Variants in SNX13 observed in about 807,000 individuals in gnomAD.
The protein encoded by SNX13 is sorting nexin 13.
SNX13 carries 45 observed loss-of-function variants against 133.6 expected under a neutral mutation model. The ratio of observed to expected loss-of-function variants is 0.34; its 90% CI spans 0.27 to 0.43. The LOEUF is 0.43. Ranked by LOEUF, SNX13 falls within the 20% of genes least tolerant of loss-of-function variation. The pLI is 1.00. For missense variants in SNX13, 1,032 were observed against 1,145.1 expected (o/e 0.90, Z 1.43); for synonymous variants, 414 against 373.9 (o/e 1.11, Z -1.24).
chr7:17,828,026 A>C (rs1788097387), intron 16 of SNX13, among the ~76,000 whole-genome samples: 1 of 151,802 alleles, frequency 6.6e-6, no homozygotes, highest in East Asian at 1.9e-4. Flanking sequence ...TAACATGCTA[A>C]ATGTACTTAT....
intron 24 of SNX13, among the ~76,000 whole-genome samples, chr7:17,797,573 C>T (rs1211800216): frequency 6.6e-6 from 1 of 151,848 alleles, no homozygotes; most frequent in Non-Finnish European, 1.5e-5. Context: ...CCCAGAGCAG[C>T]TGTTCTTAAC....
intron 2 of SNX13, among the ~76,000 whole-genome samples, chr7:17,895,391 T>G (rs1797093359): frequency 6.6e-6 from 1 of 152,174 alleles, no homozygotes; most frequent in Non-Finnish European, 1.5e-5. Context: ...GTGTTTTTCT[T>G]TCCAAAAGCA....
At chr7:17,862,541 G>T (rs1388449556) in intron 9 of SNX13, among the ~76,000 whole-genome samples, 7 of 151,972 alleles carry the variant, frequency 4.6e-5, no homozygotes, top group Non-Finnish European at 7.4e-5. Context: ...TAAAGAATGG[G>T]ATATTTATCT....
chr7:17,828,731 C>G (rs1788169221), intron 16 of SNX13, among the ~76,000 whole-genome samples: 1 of 151,424 alleles, frequency 6.6e-6, no homozygotes, highest in Non-Finnish European at 1.5e-5. Context: ...AGAGACTATT[C>G]TGGTTTATAT....
Position 17,793,806 on chromosome 7 carries a change from A to C in SNX13, c.*239T>G. ...CGCCATTCTTGCTTGAGATGGGGGC[A>C]GTTTTCTCTCAATGTTGCAAAATAT... On this transcript the variant is annotated 3_prime_UTR_variant, in exon 26 of 26. Transcript: ENST00000428135. The C allele has an allele frequency of 2.6e-6, 1 of 381,772 alleles. No homozygotes were observed. The highest frequency in any genetic ancestry group is 4.3e-5 in the Admixed American group (1 of 23,438). 23.6% of individuals were successfully genotyped at this position (381,772 alleles called of 1,614,324 possible).
rs771908159 is a variant in SNX13, at chr7:17,805,265, G to GCGCGCGCGCGCGCA, written c.2065-1686_2065-1685insTGCGCGCGCGCGCG. ...TGTGTGTGTGTGCGTGCGCGCGCGC[G>GCGCGCGCGCGCGCA]CATGCATGCACATGTGTAATTCTAA... On this transcript the variant is annotated intron_variant, in intron 20 of 25. Coordinates refer to ENST00000428135, the MANE Select transcript of SNX13 (RefSeq NM_015132.5). Among the ~76,000 whole-genome samples the GCGCGCGCGCGCGCA allele has an allele frequency of 7.5e-3, 1,096 of 146,002 alleles. 18 individuals are homozygous for GCGCGCGCGCGCGCA. Among genetic ancestry groups the GCGCGCGCGCGCGCA allele is most frequent in the South Asian group, 0.016 (75 of 4,586 alleles).
At chr7:17,811,170 AG>A (rs2128294988) in intron 20 of SNX13, among the ~76,000 whole-genome samples, 1 of 152,338 alleles carries the variant, frequency 6.6e-6, no homozygotes, top group South Asian at 2.1e-4. Context: ...GGCAAGAGAA[AG>A]AAAGAAAAGA....
In SNX13 at chr7:17,834,184, C is replaced by A. The variant is rs1371112195; in HGVS notation, c.1465G>T (p.Val489Leu). ...PEIFDDIQRKVYELMLRDERF... is the reference protein window; with the variant it reads ...PEIFDDIQRKLYELMLRDERF... ...TCATCTCGTAGCATCAATTCATATA[C>A]CTTGGTGAAATAAATCAAGATATTC... Residue 489 changes from valine to leucine, a missense_variant and splice_region_variant, in exon 15 of 26, where the codon GTA becomes TTA. Val to Leu is a conservative substitution (Grantham distance 32, BLOSUM62 1). Transcript: ENST00000428135. 2 of 1,559,440 alleles carry A rather than the reference C, an allele frequency of 1.3e-6. No homozygotes were observed. The highest frequency in any genetic ancestry group is 1.4e-5 in the African/African-American group (1 of 73,382).
intron 9 of SNX13, among the ~76,000 whole-genome samples, chr7:17,856,785 TA>T (rs200753998): frequency 0.31 from 30,083 of 97,356 alleles, 3,248 homozygotes; most frequent in East Asian, 0.46. Flanking sequence ...GAGACTCTCT[TA>T]AAAAAAAAAA....
rs1027141140 is a variant in SNX13 at position 17,793,340 on chromosome 7, C to G, written c.*705G>C. ...CAAAAGGAAACATAAAATTGAGTACCCTAAGAGCAAAACACAGCCCTTAAA... is the reference window on the plus strand; with the variant it reads ...CAAAAGGAAACATAAAATTGAGTACGCTAAGAGCAAAACACAGCCCTTAAA... On this transcript the variant is annotated 3_prime_UTR_variant, in exon 26 of 26. Transcript: ENST00000428135. 2.0e-5 allele frequency: 3 copies of G among 151,902 alleles called. No individual in the cohort carries two copies. The highest frequency in any genetic ancestry group is 3.0e-5 in the Non-Finnish European group (2 of 67,742). The allele number at this position is 151,902 out of a possible 1,614,324, so 9.4% of individuals were successfully genotyped here. A position where few individuals can be genotyped will look rare whatever the true frequency, so the allele number is the denominator to read the frequency against.
chr7:17,795,741 C>A (rs180711684), intron 25 of SNX13: 3 of 151,828 alleles, frequency 2.0e-5, no homozygotes, highest in Admixed American at 6.6e-5. Context: ...ATAAAGATTT[C>A]TTCCAGCTAG....
intron 9 of SNX13, among the ~76,000 whole-genome samples, chr7:17,858,893 A>C (rs1297828065): frequency 6.6e-6 from 1 of 152,164 alleles, no homozygotes; most frequent in Admixed American, 6.5e-5. Flanking sequence ...TGGTGCTAGA[A>C]TATCTAGATG....
At chr7:17,925,264 G>A (rs1049524791) in intron 1 of SNX13, among the ~76,000 whole-genome samples, 5 of 152,172 alleles carry the variant, frequency 3.3e-5, no homozygotes, top group African/African-American at 1.2e-4. Flanking sequence ...CCTGCTGTGT[G>A]AAGGAGAAAG....
Position 17,830,060 on chromosome 7 carries a change from A to G in SNX13, c.1598-13T>C. 6.6e-7 allele frequency: 1 copy of G among 1,525,106 alleles called. No homozygotes were observed. The highest frequency in any genetic ancestry group is 8.8e-7 in the Non-Finnish European group (1 of 1,130,272). 94.5% of individuals were successfully genotyped at this position (1,525,106 alleles called of 1,614,324 possible). On this transcript the variant is annotated splice_polypyrimidine_tract_variant and intron_variant, in intron 15 of 25. Transcript: ENST00000428135. ...CCATTAAAAGATTCTGCAGGGGGGA[A>G]ATTCAACTTAGTATACAGCAAAAAA... is the stretch of plus-strand genomic sequence containing the variant.
At position 17,940,334 on chromosome 7, in the gene SNX13, C is replaced by A; in HGVS notation, c.-39G>T. On this transcript the variant is annotated 5_prime_UTR_variant, in exon 1 of 26. Coordinates refer to ENST00000428135, the MANE Select transcript of SNX13 (RefSeq NM_015132.5). ...GGAAGTGAGGTCCTCCCTAGCCTCG[C>A]CTCATGGCAACAGCCGTAGCAGCAG... 1 of 1,560,810 alleles carries A rather than the reference C, an allele frequency of 6.4e-7. No individual in the cohort carries two copies. Among genetic ancestry groups the A allele is most frequent in the African/African-American group, 1.4e-5 (1 of 73,536 alleles).
At chr7:17,930,740 A>G (rs1801301110) in intron 1 of SNX13, among the ~76,000 whole-genome samples, 1 of 152,128 alleles carries the variant, frequency 6.6e-6, no homozygotes. Flanking sequence ...TCCATGGCCC[A>G]TTAGGAATCA....
intron 1 of SNX13, among the ~76,000 whole-genome samples, chr7:17,928,766 T>A (rs1272436773): frequency 6.6e-6 from 1 of 152,154 alleles, no homozygotes; most frequent in Non-Finnish European, 1.5e-5. Flanking sequence ...CAACTCAATA[T>A]CAGAACAATG....
At position 17,836,334 on chromosome 7, in the gene SNX13, T is replaced by C. The variant is rs79587350; in HGVS notation, c.1360-1469A>G. ...AAGTTCGAGAACAGCCTGGCCCACA[T>C]GGCAAAATCCCTGTCTCTTTAAAAA... is the stretch of plus-strand genomic sequence containing the variant. On this transcript the variant is annotated intron_variant, in intron 13 of 25. Coordinates refer to ENST00000428135, the MANE Select transcript of SNX13 (RefSeq NM_015132.5). Among the ~76,000 whole-genome samples the C allele has an allele frequency of 7.2e-3, 1,100 of 152,076 alleles. 18 individuals carry two copies. Among genetic ancestry groups the C allele is most frequent in the African/African-American group, 0.025 (1,045 of 41,532 alleles).
Position 17,845,605 on chromosome 7 carries a change from T to A in SNX13, c.1155A>T (p.Gln385His), listed in dbSNP as rs758684199. The change falls in exon 12 of 26, where the codon CAA becomes CAT. Residue 385 changes from glutamine (Q) to histidine (H), a missense_variant. Coordinates refer to ENST00000428135, the MANE Select transcript of SNX13 (RefSeq NM_015132.5). The part of the protein sequence containing the change: ...DSILVDNVAL[Q>H]FFMDYMQQTG... ...AATTGATCTACCTACCCATAAAAAA[T>A]TGTAGTGCAACATTGTCTACAAGAA... The A allele has an allele frequency of 1.3e-6, 2 of 1,585,122 alleles. No homozygotes were observed. The highest frequency in any genetic ancestry group is 1.7e-6 in the Non-Finnish European group (2 of 1,167,838).
Sources: gnomAD v4.1 joint callset for allele counts (sites outside exome capture counted in the v4.1 genomes callset) on GRCh38, gnomAD v4.1.1 for gene constraint, MANE v1.5 for transcripts, NCBI Gene and HGNC (gene_info 2026-07-23, HGNC 2026-07-21) for gene names.